MAF1: variants seen among roughly 807,000 people sequenced by gnomAD.
MAF1 encodes the protein MAF1 negative regulator of RNA polymerase III.
In MAF1, 7 loss-of-function variants were observed where a neutral mutation model predicts 31.9. The ratio of observed to expected loss-of-function variants is 0.22; its 90% CI spans 0.12 to 0.41. The LOEUF is 0.41. Ranked by LOEUF, MAF1 falls within the 10% of genes least tolerant of loss-of-function variation. The pLI, the probability that MAF1 is intolerant of heterozygous loss-of-function variation, is 1.00. For synonymous variants in MAF1, 157 were observed against 120.0 expected (o/e 1.31, Z -2.02); for missense variants, 221 against 323.1 (o/e 0.68, Z 2.42).
chr8:144,106,648 C>T lies in MAF1; in HGVS notation c.594C>T (p.Ile198=), dbSNP rs763465594. 6 of 1,613,652 alleles carry T rather than the reference C, an allele frequency of 3.7e-6. No homozygotes were observed. The highest frequency in any genetic ancestry group is 2.2e-5 in the South Asian group (2 of 91,086). The change falls in exon 6 of 8, where the codon ATC becomes ATT. Residue 198 remains isoleucine, a synonymous_variant. Coordinates refer to ENST00000322428, the MANE Select transcript of MAF1 (RefSeq NM_032272.5). ...YFFYNKRLKR[I]VFFSCRSISG... Reference sequence around the variant, plus strand: ...TCTACAACAAGCGGCTCAAGCGAATCGTCTTCTTTAGCTGCCGTTCCATCA... The same window carrying T: ...TCTACAACAAGCGGCTCAAGCGAATTGTCTTCTTTAGCTGCCGTTCCATCA...
In MAF1 at chr8:144,105,659, A is replaced by G. The variant is rs770685421; in HGVS notation, c.-25A>G. 2.7e-5 allele frequency: 43 copies of G among 1,606,738 alleles called. No homozygotes were observed. The highest frequency in any genetic ancestry group is 3.5e-5 in the Non-Finnish European group (41 of 1,174,192). On this transcript the variant is annotated 5_prime_UTR_variant, in exon 2 of 8. Transcript: ENST00000322428. Reference sequence around the variant, plus strand: ...CCCCAGGCAATACTAGCCCCTCTGGAGCACGGAGCTCCTTCCCCAAAGACA... The same window carrying G: ...CCCCAGGCAATACTAGCCCCTCTGGGGCACGGAGCTCCTTCCCCAAAGACA...
At position 144,106,261 on chromosome 8, in the gene MAF1, A is replaced by T; in HGVS notation, c.378+20A>T. On this transcript the variant is annotated intron_variant, in intron 4 of 7. Transcript: ENST00000322428. ...AGCTGGGTGAGGGTCAGGTGGAGGG[A>T]AGGGACCCACAGCCACCCCACTGTC... The T allele has an allele frequency of 1.2e-6, 2 of 1,613,478 alleles. No individual in the cohort carries two copies. Among genetic ancestry groups the T allele is most frequent in the Non-Finnish European group, 1.7e-6 (2 of 1,179,870 alleles).
At position 144,106,561 on chromosome 8, in the gene MAF1, C is replaced by T. The variant is rs755026749; in HGVS notation, c.507C>T (p.Asn169=). 8 of 1,613,854 alleles carry T rather than the reference C, an allele frequency of 5.0e-6. No individual in the cohort carries two copies. In the East Asian group the frequency reaches 1.6e-4, roughly 31 times the overall value. The change falls in exon 6 of 8, where the codon AAC becomes AAT. Residue 169 remains asparagine, a synonymous_variant. Transcript: ENST00000322428. ...GTCACCCTATACTCCCCAGCTATAA[C>T]CCAGACTTGGACTCAGATCCCTTCG... is the stretch of plus-strand genomic sequence containing the variant. ...CLAECDIYSY[N]PDLDSDPFGE...
chr8:144,107,514 G>T lies in MAF1; in HGVS notation c.*405G>T, dbSNP rs1335666729. On this transcript the variant is annotated 3_prime_UTR_variant, in exon 8 of 8. Coordinates refer to ENST00000322428, the MANE Select transcript of MAF1 (RefSeq NM_032272.5). Reference sequence around the variant, plus strand: ...CCGGCTCTGGTCTTGGGCCGGCCCCGGTGCCCACCTGTACCCCCACCTCGC... The same window carrying T: ...CCGGCTCTGGTCTTGGGCCGGCCCCTGTGCCCACCTGTACCCCCACCTCGC... 3 of 592,780 alleles carry T rather than the reference G, an allele frequency of 5.1e-6. No homozygotes were observed. The highest frequency in any genetic ancestry group is 4.5e-4 in the Middle Eastern group (1 of 2,214). The allele number at this position is 592,780 out of a possible 1,614,324, so 36.7% of individuals were successfully genotyped here. A position where few individuals can be genotyped will look rare whatever the true frequency, so the allele number is the denominator to read the frequency against.
chr8:144,106,280 C>A (rs763827098), intron 4 of MAF1, 39 bp downstream of exon 4: 2 of 1,613,054 alleles, frequency 1.2e-6, no homozygotes, highest in East Asian at 2.2e-5. Context: ...ACAGCCACCC[C>A]ACTGTCCTTC....
Position 144,107,119 on chromosome 8 carries a change from G to C in MAF1, c.*10G>C. On this transcript the variant is annotated 3_prime_UTR_variant, in exon 8 of 8. Coordinates refer to ENST00000322428, the MANE Select transcript of MAF1 (RefSeq NM_032272.5). ...AGTGATCTGTATTTGATGAGGAGGAGCCGAGGCCCCAGCTTCATCCAGCTT... is the reference window on the plus strand; with the variant it reads ...AGTGATCTGTATTTGATGAGGAGGACCCGAGGCCCCAGCTTCATCCAGCTT... The C allele has an allele frequency of 6.4e-7, 1 of 1,563,380 alleles. No homozygotes were observed. The highest frequency in any genetic ancestry group is 1.2e-5 in the South Asian group (1 of 85,058).
Position 144,106,472 on chromosome 8 carries a change from G to C in MAF1, c.500+8G>C. The C allele has an allele frequency of 6.2e-7, 1 of 1,613,886 alleles. No individual in the cohort carries two copies. Among genetic ancestry groups the C allele is most frequent in the Non-Finnish European group, 8.5e-7 (1 of 1,180,020 alleles). On this transcript the variant is annotated splice_region_variant and intron_variant, in intron 5 of 7. Transcript: ENST00000322428. ...TGAATGTGACATCTACAGGTGGGCC[G>C]GCATCCCTGCAGATGGCCTCCAGGC...
At position 144,105,947 on chromosome 8, in the gene MAF1, C is replaced by T. The variant is rs144735402; in HGVS notation, c.162C>T (p.His54=). Residue 54 remains histidine (H), a synonymous_variant, in exon 3 of 8, where the codon CAC becomes CAT. Transcript: ENST00000322428. ...AGTTCTGCCAGGAGGGCCAGCCCCACGTGCTGGAGGCACTTTCTCCACCCC... is the reference window on the plus strand; with the variant it reads ...AGTTCTGCCAGGAGGGCCAGCCCCATGTGCTGGAGGCACTTTCTCCACCCC... ...FKQFCQEGQP[H]VLEALSPPQT... The T allele has an allele frequency of 9.2e-5, 149 of 1,613,106 alleles. 1 individual carries two copies. Among genetic ancestry groups the T allele is most frequent in the Middle Eastern group, 1.6e-4 (1 of 6,084 alleles).
chr8:144,105,674 C>T lies in MAF1; in HGVS notation c.-10C>T, dbSNP rs368474715. ...GCCCCTCTGGAGCACGGAGCTCCTT[C>T]CCCAAAGACATGAAGCTATTGGAGA... On this transcript the variant is annotated 5_prime_UTR_variant, in exon 2 of 8. Coordinates refer to ENST00000322428, the MANE Select transcript of MAF1 (RefSeq NM_032272.5). The T allele has an allele frequency of 9.9e-6, 16 of 1,612,894 alleles. No individual in the cohort carries two copies. In the African/African-American group the frequency reaches 1.9e-4, roughly 19 times the overall value.
rs762999656 is a variant in MAF1, at chr8:144,106,681, A to AC, written c.620+13dup. 4 of 1,609,072 alleles carry AC rather than the reference A, an allele frequency of 2.5e-6. No individual in the cohort carries two copies. Among genetic ancestry groups the AC allele is most frequent in the Admixed American group, 3.3e-5 (2 of 59,852 alleles). ...TTAGCTGCCGTTCCATCAGGTGGGC[A>AC]CCCCCCGCCTCCTCCCCCACCTCCC... is the stretch of plus-strand genomic sequence containing the variant. On this transcript the variant is annotated splice_region_variant and intron_variant, in intron 6 of 7. Transcript: ENST00000322428.
At chr8:144,106,320 A>G (rs779100514) in intron 4 of MAF1, 23 bp from the exon 5 acceptor site, 3 of 1,612,794 alleles carry the variant, frequency 1.9e-6, no homozygotes, top group Non-Finnish European at 2.5e-6. Context: ...GGCTCCTGTC[A>G]CCCTGACTGT....
At position 144,107,244 on chromosome 8, in the gene MAF1, A is replaced by C; in HGVS notation, c.*135A>C. 1 of 1,147,306 alleles carries C rather than the reference A, an allele frequency of 8.7e-7. No homozygotes were observed. The highest frequency in any genetic ancestry group is 1.3e-6 in the Non-Finnish European group (1 of 784,348). The allele number at this position is 1,147,306 out of a possible 1,614,324, so 71.1% of individuals were successfully genotyped here. ...CACAGTCCTGGCACTGCCCAAGGCC[A>C]TACCTGCCTAGCCCTTTGGCTCCAT... On this transcript the variant is annotated 3_prime_UTR_variant, in exon 8 of 8. Coordinates refer to ENST00000322428, the MANE Select transcript of MAF1 (RefSeq NM_032272.5).
In MAF1 at chr8:144,105,784, G is replaced by T. The variant is rs201472074; in HGVS notation, c.83+18G>T. The T allele has an allele frequency of 1.7e-5, 28 of 1,612,624 alleles. No individual in the cohort carries two copies. The highest frequency in any genetic ancestry group is 5.0e-5 in the Admixed American group (3 of 60,000). ...ATTGGCAGGTGAGGCAGGCTGGGGG[G>T]GCTGGCATCTCGGAGGTCACACTGC... On this transcript the variant is annotated intron_variant, in intron 2 of 7. Transcript: ENST00000322428.
rs1269937994 is a variant in MAF1, at chr8:144,106,081, G to T, written c.218G>T (p.Ser73Ile). 1 of 1,613,668 alleles carries T rather than the reference G, an allele frequency of 6.2e-7. No individual in the cohort carries two copies. The highest frequency in any genetic ancestry group is 1.7e-5 in the Admixed American group (1 of 60,028). ...QTSGLSPSRL[S>I]KSQGGEEEGP... ...TGATGGTTCTGTCTGTGCAGACTCA[G>T]CAAAAGCCAAGGCGGTGAGGAGGAG... Residue 73 changes from serine (S) to isoleucine (I), a missense_variant, in exon 4 of 8, where the codon AGC becomes ATC. By Grantham distance (142) the Ser-to-Ile change is moderately radical. Around this residue, in one of 2 missense-constraint regions of MAF1, gnomAD observed 146 missense variants for 263.1 expected, o/e 0.56. Transcript: ENST00000322428.
Position 144,107,184 on chromosome 8 carries a change from G to A in MAF1, c.*75G>A. On this transcript the variant is annotated 3_prime_UTR_variant, in exon 8 of 8. Transcript: ENST00000322428. ...ACCTGTCCACCTGAGAGGCCCCTGG[G>A]GCCTCCCCAGCTGCTGGCCAGACCC... is the stretch of plus-strand genomic sequence containing the variant. 1 of 1,533,512 alleles carries A rather than the reference G, an allele frequency of 6.5e-7. No individual in the cohort carries two copies. The highest frequency in any genetic ancestry group is 8.8e-7 in the Non-Finnish European group (1 of 1,131,716). The allele number at this position is 1,533,512 out of a possible 1,614,324, so 95.0% of individuals were successfully genotyped here. A position where few individuals can be genotyped will look rare whatever the true frequency, so the allele number is the denominator to read the frequency against.
At position 144,107,320 on chromosome 8, in the gene MAF1, G is replaced by A. The variant is rs1405129343; in HGVS notation, c.*211G>A. 13 of 651,430 alleles carry A rather than the reference G, an allele frequency of 2.0e-5. No individual in the cohort carries two copies. Among genetic ancestry groups the A allele is most frequent in the South Asian group, 1.5e-4 (8 of 53,134 alleles). 40.4% of individuals were successfully genotyped at this position (651,430 alleles called of 1,614,324 possible). ...GACTCCTGCTGCCCATGCTGTGGCC[G>A]GACTTGTCAGCAGGGGGCCTGGTGG... On this transcript the variant is annotated 3_prime_UTR_variant, in exon 8 of 8. Transcript: ENST00000322428.
In MAF1 at chr8:144,104,563, G is replaced by T. The variant is rs1836371115; in HGVS notation, c.-340G>T. 1 of 152,210 alleles carries T rather than the reference G, an allele frequency of 6.6e-6. No homozygotes were observed. The highest frequency in any genetic ancestry group is 2.4e-5 in the African/African-American group (1 of 41,442). The allele number at this position is 152,210 out of a possible 1,614,324, so 9.4% of individuals were successfully genotyped here. ...GCTCGGCTCGCTGACTCGCCGGAGC[G>T]CTCTGTGGCGGTCGGCGGCAGGTCG... On this transcript the variant is annotated 5_prime_UTR_variant, in exon 1 of 8. Coordinates refer to ENST00000322428, the MANE Select transcript of MAF1 (RefSeq NM_032272.5).
chr8:144,106,140 C>G lies in MAF1; in HGVS notation c.277C>G (p.Leu93Val). ...CAGTGACAAGTGCAGCCGCAAGACCCTCTTCTACCTGATTGCCACGCTCAA... is the reference window on the plus strand; with the variant it reads ...CAGTGACAAGTGCAGCCGCAAGACCGTCTTCTACCTGATTGCCACGCTCAA... ...PLSDKCSRKT[L>V]FYLIATLNES... The change falls in exon 4 of 8, where the codon CTC becomes GTC. Residue 93 changes from leucine to valine, a missense_variant. Leu to Val is a conservative substitution (Grantham distance 32). This residue lies in a region of MAF1 where 146 missense variants were observed against 263.1 expected (regional missense o/e 0.56). Coordinates refer to ENST00000322428, the MANE Select transcript of MAF1 (RefSeq NM_032272.5). 6.2e-7 allele frequency: 1 copy of G among 1,613,826 alleles called. No individual in the cohort carries two copies. The highest frequency in any genetic ancestry group is 8.5e-7 in the Non-Finnish European group (1 of 1,180,038).
chr8:144,105,817 T>C (rs751476490), intron 2 of MAF1, 51 bp downstream of exon 2: 1 of 1,612,708 alleles, frequency 6.2e-7, no homozygotes, highest in Non-Finnish European at 8.5e-7. Flanking sequence ...TGCCGCGCCC[T>C]TCAGTGGAAC....
Sources: gnomAD v4.1 joint callset for allele counts on GRCh38, gnomAD v4.1.1 for gene constraint, gnomAD v4.1.1 regional missense constraint, MANE v1.5 for transcripts, NCBI Gene and HGNC (gene_info 2026-07-23, HGNC 2026-07-21) for gene names.